CALN1: variants seen among roughly 807,000 people sequenced by gnomAD.
The protein encoded by CALN1 is calcium-binding protein 8.
Under a neutral mutation model 30.6 loss-of-function variants are expected in CALN1, and 17 were observed. That is an observed-to-expected ratio of 0.56 (90% confidence interval 0.38 to 0.83). The LOEUF (loss-of-function observed/expected upper bound fraction) is 0.83, where lower values mean the gene tolerates loss of function less well. Among genes scored for constraint, CALN1 ranks in the 40% least tolerant of loss-of-function variants. The pLI is 0.00. For missense variants in CALN1, 291 were observed against 354.9 expected (o/e 0.82, Z 1.45); for synonymous variants, 156 against 131.4 (o/e 1.19, Z -1.28).
chr7:72,000,543 AAAG>A (rs1799472831), intron 5 of CALN1, among the ~76,000 whole-genome samples: 1 of 152,178 alleles, frequency 6.6e-6, no homozygotes, highest in Admixed American at 6.5e-5. Flanking sequence ...ATTTTGAAAA[AAAG>A]AAAAAATCTC....
chr7:71,809,491 A>G (rs1387210699), intron 6 of CALN1, among the ~76,000 whole-genome samples: 1 of 151,106 alleles, frequency 6.6e-6, no homozygotes, highest in Non-Finnish European at 1.5e-5. Flanking sequence ...AAAGAAAAGA[A>G]AAAAAATTTG....
At chr7:72,501,922 A>T in the CALN1 span, among the ~76,000 whole-genome samples, 31 of 86,000 alleles carry the variant, frequency 3.6e-4, 2 homozygotes, top group African/African-American at 1.5e-3. Flanking sequence ...AAAAAAAAAA[A>T]AAAAAAATAT....
chr7:72,284,556 A>G (rs1273336765), intron 2 of CALN1, among the ~76,000 whole-genome samples: 2 of 152,192 alleles, frequency 1.3e-5, no homozygotes, highest in Non-Finnish European at 2.9e-5. Context: ...TGATAGGCCT[A>G]CATGGAATGA....
At chr7:72,487,734 A>AAAGAAAGAAAGAAAGAAAGAAAGAAAGG in the CALN1 span, among the ~76,000 whole-genome samples, 9 of 56,622 alleles carry the variant, frequency 1.6e-4, no homozygotes, top group South Asian at 1.8e-3. Context: ...AGAAAGAAAG[A>AAAGAAAGAAAGAAAGAAAGAAAGAAAGG]AAGGAAGGAA....
chr7:72,314,094 G>C (rs1800247402), intron 2 of CALN1, among the ~76,000 whole-genome samples: 1 of 152,082 alleles, frequency 6.6e-6, no homozygotes. Flanking sequence ...GACACACCAG[G>C]CCCAGCACAG....
intron 2 of CALN1, among the ~76,000 whole-genome samples, chr7:72,382,049 A>C (rs1804934964): frequency 6.6e-6 from 1 of 152,144 alleles, no homozygotes; most frequent in South Asian, 2.1e-4. Context: ...ACATTTTTGA[A>C]ATTTATGGGT....
chr7:71,806,051 C>T (rs10252212), intron 6 of CALN1, among the ~76,000 whole-genome samples: 2 of 151,930 alleles, frequency 1.3e-5, no homozygotes, highest in Non-Finnish European at 2.9e-5. Flanking sequence ...ACACATGTTG[C>T]GGGGTGGGGG....
chr7:71,858,289 T>G (rs1478083448), intron 5 of CALN1, among the ~76,000 whole-genome samples: 1 of 152,160 alleles, frequency 6.6e-6, no homozygotes, highest in Non-Finnish European at 1.5e-5. Context: ...ATTGTAAGTT[T>G]CCTGAGGCCT....
chr7:72,095,001 G>A lies in CALN1; in HGVS notation c.388+11150C>T, dbSNP rs528458733. 1.8e-4 allele frequency among the ~76,000 whole-genome samples: 27 copies of A among 152,112 alleles called. No homozygotes were observed. The South Asian group carries it at 5.2e-3, about 29-fold the overall frequency. On this transcript the variant is annotated intron_variant, in intron 4 of 6. Transcript: ENST00000395275. ...ACCAAGGTATTTATGACTCAGGGGC[G>A]TGTGTGTGTGTTTTTCAGAGTTTCA...
intron 4 of CALN1, among the ~76,000 whole-genome samples, chr7:72,062,209 C>T (rs1278325655): frequency 6.6e-6 from 1 of 152,072 alleles, no homozygotes; most frequent in Admixed American, 6.6e-5. Context: ...GGATGTTCTC[C>T]AGAAAGAAAT....
Position 72,205,551 on chromosome 7 carries a change from A to ATATATATACATATATATATATATAT in CALN1, c.244+73134_244+73135insATATATATATATATATGTATATATA, listed in dbSNP as rs1554319582. 1.2e-4 allele frequency among the ~76,000 whole-genome samples: 10 copies of ATATATATACATATATATATATATAT among 83,042 alleles called. 3 individuals carry two copies. In the East Asian group the frequency reaches 3.5e-3, roughly 29 times the overall value. The allele number at this position is 83,042 out of a possible 152,430, so 54.5% of individuals were successfully genotyped here. The stretch of plus-strand genomic sequence containing the variant: ...ATTTTTCTCCTGATTGCAAAAAAAA[A>ATATATATACATATATATATATATAT]ATATATATATATATATGTATATATA... On this transcript the variant is annotated intron_variant, in intron 3 of 6. Transcript: ENST00000395275.
intron 2 of CALN1, among the ~76,000 whole-genome samples, chr7:72,394,063 G>C (rs910259140): frequency 3.8e-4 from 58 of 152,208 alleles, no homozygotes; most frequent in African/African-American, 1.3e-3. Context: ...AGATGAAAAA[G>C]TGATCAGAAT....
chr7:72,024,300 G>C (rs750436009), intron 4 of CALN1, among the ~76,000 whole-genome samples: 4 of 152,202 alleles, frequency 2.6e-5, no homozygotes, highest in Non-Finnish European at 5.9e-5. Flanking sequence ...GTTATGAGTA[G>C]CACGGCTTTT....
intron 4 of CALN1, among the ~76,000 whole-genome samples, chr7:72,100,487 C>T (rs1806573996): frequency 1.3e-5 from 2 of 151,948 alleles, no homozygotes; most frequent in Admixed American, 6.6e-5. Context: ...CCAGCAAGAT[C>T]CTTAAATCTT....
chr7:72,012,183 A>C (rs1800119368), intron 5 of CALN1, among the ~76,000 whole-genome samples: 1 of 152,202 alleles, frequency 6.6e-6, no homozygotes, highest in African/African-American at 2.4e-5. Context: ...CTACAGGCTG[A>C]AGTACCAGCC....
intron 2 of CALN1, among the ~76,000 whole-genome samples, chr7:72,323,593 G>A (rs1316728129): frequency 6.6e-6 from 1 of 151,226 alleles, no homozygotes; most frequent in Non-Finnish European, 1.5e-5. Flanking sequence ...AACCTGGGAG[G>A]CAGAGGTTGC....
chr7:71,957,978 T>A (rs1204074466), intron 5 of CALN1, among the ~76,000 whole-genome samples: 4 of 144,088 alleles, frequency 2.8e-5, no homozygotes, highest in Non-Finnish European at 6.0e-5. Context: ...GGCAGGAGAA[T>A]CTCTTGAACC....
chr7:71,890,146 T>G (rs1267730776), intron 5 of CALN1, among the ~76,000 whole-genome samples: 1 of 152,158 alleles, frequency 6.6e-6, no homozygotes, highest in Non-Finnish European at 1.5e-5. Context: ...ACTATGTCAC[T>G]CAGGCTGAAG....
chr7:72,051,715 A>G (rs2129535943), intron 4 of CALN1, among the ~76,000 whole-genome samples: 1 of 152,364 alleles, frequency 6.6e-6, no homozygotes, highest in African/African-American at 2.4e-5. Flanking sequence ...ACAGCCAAGT[A>G]CAGATCATTC....
Sources: gnomAD v4.1 joint callset for allele counts (sites outside exome capture counted in the v4.1 genomes callset) on GRCh38, gnomAD v4.1.1 for gene constraint, MANE v1.5 for transcripts, NCBI Gene and HGNC (gene_info 2026-07-23, HGNC 2026-07-21) for gene names.